The following GRIP1 variants were observed in gnomAD, a reference collection of about 807,000 sequenced individuals.
GRIP1 encodes the protein glutamate receptor-interacting protein 1.
Under a neutral mutation model 129.9 loss-of-function variants are expected in GRIP1, and 45 were observed. The ratio of observed to expected loss-of-function variants is 0.35; its 90% CI spans 0.27 to 0.44. The LOEUF is 0.44. Ranked by LOEUF, GRIP1 falls within the 20% of genes least tolerant of loss-of-function variation. The pLI, the probability that GRIP1 is intolerant of heterozygous loss-of-function variation, is 1.00. For missense variants in GRIP1, 1,196 were observed against 1,396.8 expected (o/e 0.86, Z 2.29); for synonymous variants, 530 against 520.8 (o/e 1.02, Z -0.24).
chr12:66,656,325 T>A (rs918273030), intron 1 of GRIP1, among the ~76,000 whole-genome samples: 7 of 152,182 alleles, frequency 4.6e-5, no homozygotes, highest in African/African-American at 1.7e-4. Flanking sequence ...ATAAATCTTT[T>A]AAGATTGGGA....
At chr12:66,773,889 G>A (rs2037897772) in intron 1 of GRIP1, among the ~76,000 whole-genome samples, 1 of 152,086 alleles carries the variant, frequency 6.6e-6, no homozygotes, top group African/African-American at 2.4e-5. Context: ...AGCTCTTAGT[G>A]CTTTAGTTTA....
chr12:66,475,520 T>C (rs1181067414), intron 7 of GRIP1, among the ~76,000 whole-genome samples: 1 of 152,186 alleles, frequency 6.6e-6, no homozygotes, highest in Non-Finnish European at 1.5e-5. Flanking sequence ...ATCAACAGAA[T>C]ATACATTCTT....
chr12:66,912,832 C>T (rs2041053075), intron 1 of GRIP1, among the ~76,000 whole-genome samples: 2 of 152,030 alleles, frequency 1.3e-5, no homozygotes, highest in Admixed American at 6.6e-5. Context: ...ATGAGCGGAA[C>T]CTAAATTAAT....
chr12:66,371,639 T>C (rs189938947), intron 23 of GRIP1, 55 bp downstream of exon 23: 5 of 1,109,250 alleles, frequency 4.5e-6, no homozygotes, highest in East Asian at 4.7e-5. Flanking sequence ...GCGTACATGC[T>C]ATGCAGAATG....
chr12:66,749,064 T>C (rs1314728336), intron 1 of GRIP1, among the ~76,000 whole-genome samples: 2 of 152,210 alleles, frequency 1.3e-5, no homozygotes, highest in African/African-American at 4.8e-5. Context: ...CAGAGACTGC[T>C]AGTTGCCCGC....
Position 66,749,276 on chromosome 12 carries a change from T to C in GRIP1, c.-420+54777A>G, listed in dbSNP as rs1387740892. 3.9e-5 allele frequency among the ~76,000 whole-genome samples: 6 copies of C among 152,206 alleles called. No homozygotes were observed. The South Asian group carries it at 6.2e-4, about 16-fold the overall frequency. ...ACACCAACTGGGCATAAAGGAAATGTTGAATGGATGACACCACTTATTGAT... is the reference window on the plus strand; with the variant it reads ...ACACCAACTGGGCATAAAGGAAATGCTGAATGGATGACACCACTTATTGAT... On this transcript the variant is annotated intron_variant, in intron 1 of 4. Transcript: ENST00000538373.
intron 22 of GRIP1, among the ~76,000 whole-genome samples, chr12:66,376,748 A>T (rs547098203): frequency 6.6e-6 from 1 of 152,366 alleles, no homozygotes; most frequent in East Asian, 1.9e-4. Context: ...ACAAATGAAA[A>T]CATGCCAAAG....
chr12:66,352,710 G>GAGACAGAGTGAC, intron 24 of GRIP1, among the ~76,000 whole-genome samples: 2 of 139,276 alleles, frequency 1.4e-5, no homozygotes, highest in South Asian at 4.6e-4. Context: ...TCCAGCCTGA[G>GAGACAGAGTGAC]ACTCTGTCTC....
At chr12:66,983,776 C>A (rs944607650) in intron 1 of GRIP1, among the ~76,000 whole-genome samples, 4 of 152,186 alleles carry the variant, frequency 2.6e-5, no homozygotes, top group African/African-American at 9.7e-5. Context: ...CTACAGGGTA[C>A]TGTGCATGAA....
chr12:66,985,996 C>A (rs962142072), intron 1 of GRIP1, among the ~76,000 whole-genome samples: 12 of 152,126 alleles, frequency 7.9e-5, no homozygotes, highest in African/African-American at 2.7e-4. Flanking sequence ...TCCTGATTTT[C>A]GCCCTTGAGA....
intron 15 of GRIP1, among the ~76,000 whole-genome samples, chr12:66,409,702 C>A (rs946341613): frequency 3.6e-4 from 54 of 152,102 alleles, no homozygotes; most frequent in Non-Finnish European, 1.0e-4. Flanking sequence ...AAATAAGGCA[C>A]GAAAGACCAA....
chr12:66,507,300 T>G (rs1039345279), intron 7 of GRIP1, among the ~76,000 whole-genome samples: 50 of 152,102 alleles, frequency 3.3e-4, no homozygotes, highest in African/African-American at 1.2e-3. Context: ...TAGCCGGGCA[T>G]GGTAGCAGGC....
At chr12:66,825,699 C>T (rs1308265179) in intron 1 of GRIP1, among the ~76,000 whole-genome samples, 4 of 152,180 alleles carry the variant, frequency 2.6e-5, no homozygotes, top group Non-Finnish European at 5.9e-5. Flanking sequence ...TCCTCTGCTG[C>T]TGCTCTTATT....
At chr12:66,811,436 A>T (rs891361980) in intron 1 of GRIP1, among the ~76,000 whole-genome samples, 3 of 152,216 alleles carry the variant, frequency 2.0e-5, no homozygotes, top group African/African-American at 7.2e-5. Context: ...TTATGCAGCT[A>T]GATGCTTTGA....
intron 1 of GRIP1, among the ~76,000 whole-genome samples, chr12:66,723,300 CTTTCTTTTTTTTT>C (rs1565988117): frequency 0.01 from 442 of 42,532 alleles, 17 homozygotes; most frequent in Non-Finnish European, 0.015. Flanking sequence ...TTCTTTCTTT[CTTTCTTTTTTTTT>C]TTTTTTTTTT....
intron 4 of GRIP1, among the ~76,000 whole-genome samples, chr12:66,535,813 AG>A (rs2061587884): frequency 6.6e-6 from 1 of 152,164 alleles, no homozygotes; most frequent in African/African-American, 2.4e-5. Context: ...CTGATCCCCA[AG>A]CTTCGAACAC....
chr12:66,822,834 G>T (rs553486249), intron 1 of GRIP1, among the ~76,000 whole-genome samples: 1 of 152,094 alleles, frequency 6.6e-6, no homozygotes, highest in African/African-American at 2.4e-5. Flanking sequence ...GGAAACGGGG[G>T]AGGAGAAAGG....
intron 1 of GRIP1, among the ~76,000 whole-genome samples, chr12:66,982,663 A>G (rs2042255686): frequency 6.6e-6 from 1 of 152,172 alleles, no homozygotes; most frequent in Non-Finnish European, 1.5e-5. Context: ...TTCTTCCAAC[A>G]ACAGCATGAG....
Position 66,657,830 on chromosome 12 carries a change from G to A in GRIP1, c.55+21020C>T, listed in dbSNP as rs1000672159. ...AAGAGAAAAACAACAGACAAAGCAC[G>A]ATGGCCGTAATGTCTCCAAGGCGAC... On this transcript the variant is annotated intron_variant, in intron 1 of 24. Transcript: ENST00000359742. Among the ~76,000 whole-genome samples, 7 of 152,238 alleles carry A rather than the reference G, an allele frequency of 4.6e-5. No individual in the cohort carries two copies. The East Asian group carries it at 5.8e-4, about 13-fold the overall frequency.
Sources: gnomAD v4.1 joint callset for allele counts (sites outside exome capture counted in the v4.1 genomes callset) on GRCh38, gnomAD v4.1.1 for gene constraint, MANE v1.5 for transcripts, NCBI Gene and HGNC (gene_info 2026-07-23, HGNC 2026-07-21) for gene names.